NAALADL2: variants seen among roughly 807,000 people sequenced by gnomAD.
The protein encoded by NAALADL2 is inactive N-acetylated-alpha-linked acidic dipeptidase-like protein 2.
NAALADL2 carries 76 observed loss-of-function variants against 87.2 expected under a neutral mutation model. The ratio of observed to expected loss-of-function variants is 0.87; its 90% CI spans 0.72 to 1.05. The LOEUF (loss-of-function observed/expected upper bound fraction) is 1.05. Among genes scored for constraint, NAALADL2 ranks in the 50% least tolerant of loss-of-function variants. NAALADL2 has a pLI of 0.00. For synonymous variants in NAALADL2, 354 were observed against 331.0 expected (o/e 1.07, Z -0.75); for missense variants, 1,089 against 945.8 (o/e 1.15, Z -1.99).
At chr3:174,653,291 A>G (rs1724567066) in intron 2 of NAALADL2, among the ~76,000 whole-genome samples, 1 of 152,250 alleles carries the variant, frequency 6.6e-6, no homozygotes, top group Non-Finnish European at 1.5e-5. Flanking sequence ...GAATGGATAA[A>G]TGAATAATGG....
At chr3:175,440,505 C>T (rs1310977978) in intron 5 of NAALADL2, among the ~76,000 whole-genome samples, 3 of 152,006 alleles carry the variant, frequency 2.0e-5, no homozygotes, top group Non-Finnish European at 4.4e-5. Flanking sequence ...ATTGATTCTA[C>T]CCATCCATGA....
At chr3:174,841,854 C>T (rs928209831) in intron 3 of NAALADL2, among the ~76,000 whole-genome samples, 1 of 152,120 alleles carries the variant, frequency 6.6e-6, no homozygotes, top group African/African-American at 2.4e-5. Flanking sequence ...ATGCTTGCAT[C>T]AGGCAGTTAG....
intron 11 of NAALADL2, among the ~76,000 whole-genome samples, chr3:175,660,275 A>G (rs1732073944): frequency 6.6e-6 from 1 of 152,166 alleles, no homozygotes; most frequent in South Asian, 2.1e-4. Flanking sequence ...ACCACTTAAG[A>G]TAAACTTGAA....
At chr3:174,500,859 ATTTTTT>A (rs71300442) in intron 1 of NAALADL2, among the ~76,000 whole-genome samples, 3 of 143,496 alleles carry the variant, frequency 2.1e-5, no homozygotes, top group African/African-American at 7.7e-5. Context: ...CCATTGGATA[ATTTTTT>A]TTTTTTTTTG....
chr3:174,982,371 A>G (rs1297431996), intron 1 of NAALADL2, among the ~76,000 whole-genome samples: 1 of 152,174 alleles, frequency 6.6e-6, no homozygotes, highest in Non-Finnish European at 1.5e-5. Flanking sequence ...AAAAAAGCTA[A>G]TCAAGAAACT....
chr3:175,092,242 A>G (rs1001937376), intron 1 of NAALADL2, among the ~76,000 whole-genome samples: 6 of 152,010 alleles, frequency 3.9e-5, no homozygotes, highest in Non-Finnish European at 8.8e-5. Context: ...TTTATGCATA[A>G]AATTAAGCAT....
chr3:174,486,463 T>A (rs567705617), intron 1 of NAALADL2, among the ~76,000 whole-genome samples: 1 of 152,144 alleles, frequency 6.6e-6, no homozygotes, highest in African/African-American at 2.4e-5. Context: ...TCTTAAAATT[T>A]GTCAATTACG....
At chr3:175,282,764 A>G (rs1754471343) in intron 4 of NAALADL2, among the ~76,000 whole-genome samples, 1 of 152,084 alleles carries the variant, frequency 6.6e-6, no homozygotes, top group South Asian at 2.1e-4. Flanking sequence ...ATCATTATGC[A>G]GTTCTGCAAT....
chr3:175,780,393 C>T (rs887551057), intron 13 of NAALADL2, among the ~76,000 whole-genome samples: 2 of 151,990 alleles, frequency 1.3e-5, no homozygotes, highest in African/African-American at 2.4e-5. Context: ...GTATACGTAT[C>T]ACATATGCAA....
chr3:174,569,174 C>T (rs1714633777), intron 2 of NAALADL2, among the ~76,000 whole-genome samples: 1 of 151,522 alleles, frequency 6.6e-6, no homozygotes, highest in Non-Finnish European at 1.5e-5. Flanking sequence ...ACAAAAGTTG[C>T]AGAAGAGAGT....
intron 2 of NAALADL2, among the ~76,000 whole-genome samples, chr3:175,100,912 C>T (rs1027047308): frequency 6.7e-6 from 1 of 149,842 alleles, no homozygotes; most frequent in Admixed American, 6.6e-5. Context: ...AATCATATTT[C>T]AATGGATTCT....
intron 3 of NAALADL2, among the ~76,000 whole-genome samples, chr3:174,741,640 G>A (rs1733773658): frequency 6.6e-6 from 1 of 151,560 alleles, no homozygotes; most frequent in African/African-American, 2.4e-5. Context: ...GCCATGAAGA[G>A]CTGAGTAATA....
At chr3:175,422,785 C>T (rs1440940251) in intron 5 of NAALADL2, among the ~76,000 whole-genome samples, 1 of 151,860 alleles carries the variant, frequency 6.6e-6, no homozygotes, top group Admixed American at 6.6e-5. Context: ...CCATTGAACA[C>T]ATAGTTCATT....
At chr3:175,620,142 C>A (rs1415961037) in intron 10 of NAALADL2, among the ~76,000 whole-genome samples, 1 of 152,078 alleles carries the variant, frequency 6.6e-6, no homozygotes, top group Admixed American at 6.6e-5. Flanking sequence ...CCCAGATGAG[C>A]CCCCAGAAAT....
intron 2 of NAALADL2, among the ~76,000 whole-genome samples, chr3:174,588,361 C>G (rs1716959476): frequency 6.6e-6 from 1 of 152,172 alleles, no homozygotes; most frequent in African/African-American, 2.4e-5. Flanking sequence ...TCGTCTGAAG[C>G]CTTTTTCTCT....
At chr3:175,683,519 G>T (rs960035867) in intron 11 of NAALADL2, among the ~76,000 whole-genome samples, 1 of 151,876 alleles carries the variant, frequency 6.6e-6, no homozygotes, top group Admixed American at 6.6e-5. Flanking sequence ...TAAGGTAAAT[G>T]GTAATAGGTA....
At chr3:175,645,322 AAGATAATATGGTAGTAAACAAAAG>A (rs1429566909) in intron 11 of NAALADL2, among the ~76,000 whole-genome samples, 1 of 152,148 alleles carries the variant, frequency 6.6e-6, no homozygotes, top group East Asian at 1.9e-4. Flanking sequence ...ACATTGGTTG[AAGATAATATGGTAGTAAACAAAAG>A]AGGAATGACT....
chr3:175,213,425 A>T (rs897416437), intron 2 of NAALADL2, among the ~76,000 whole-genome samples: 7 of 152,168 alleles, frequency 4.6e-5, no homozygotes, highest in Non-Finnish European at 7.4e-5. Flanking sequence ...GTGTCAGGTC[A>T]TGTAGGAACT....
chr3:175,734,588 G>A (rs1056380161), intron 11 of NAALADL2, among the ~76,000 whole-genome samples: 4 of 152,208 alleles, frequency 2.6e-5, no homozygotes, highest in South Asian at 2.1e-4. Context: ...TCTAGGCAGA[G>A]GTTCCAAACC....
Sources: allele counts gnomAD v4.1 joint callset (sites outside exome capture counted in the v4.1 genomes callset), GRCh38; gene constraint gnomAD v4.1.1; transcripts MANE v1.5; gene names NCBI Gene and HGNC (gene_info 2026-07-23, HGNC 2026-07-21).